The following RASAL2 variants were observed in gnomAD, a reference collection of about 807,000 sequenced individuals.
The protein encoded by RASAL2 is ras GTPase-activating protein nGAP.
RASAL2 carries 58 observed loss-of-function variants against 128.9 expected under a neutral mutation model. The observed-to-expected ratio is 0.45, with a 90% CI of 0.36 to 0.56. The LOEUF is 0.56. Ranked by LOEUF, RASAL2 falls within the 20% of genes least tolerant of loss-of-function variation. The probability of loss-of-function intolerance (pLI) is 0.00; values close to 1 mark genes in which losing one functional copy is unlikely to be tolerated. For missense variants in RASAL2, 1,360 were observed against 1,601.6 expected (o/e 0.85, Z 2.57); for synonymous variants, 561 against 580.8 (o/e 0.97, Z 0.49).
chr1:178,329,726 G>A (rs1334422531), intron 3 of RASAL2, among the ~76,000 whole-genome samples: 1 of 150,960 alleles, frequency 6.6e-6, no homozygotes, highest in Non-Finnish European at 1.5e-5. Flanking sequence ...GTAAATTAAG[G>A]ACCCAGACTG....
chr1:178,095,380 G>A (rs1264078865), intron 1 of RASAL2, among the ~76,000 whole-genome samples: 5 of 151,948 alleles, frequency 3.3e-5, no homozygotes, highest in African/African-American at 1.2e-4. Context: ...ATTCTATTAG[G>A]GTGAGCCTTG....
chr1:178,382,311 T>C (rs1672329476), intron 3 of RASAL2, among the ~76,000 whole-genome samples: 1 of 152,196 alleles, frequency 6.6e-6, no homozygotes, highest in African/African-American at 2.4e-5. Context: ...GCCTCACCTC[T>C]CTGTGTTTCT....
intron 9 of RASAL2, among the ~76,000 whole-genome samples, chr1:178,450,375 C>T (rs888819259): frequency 2.0e-5 from 3 of 152,034 alleles, no homozygotes; most frequent in Non-Finnish European, 2.9e-5. Flanking sequence ...ATGATGGATC[C>T]GGATTTGAGC....
At chr1:178,177,610 G>A (rs1661938688) in intron 1 of RASAL2, among the ~76,000 whole-genome samples, 1 of 152,196 alleles carries the variant, frequency 6.6e-6, no homozygotes, top group Admixed American at 6.5e-5. Context: ...TTTGAGTTGG[G>A]ATTAAAGTGG....
chr1:178,168,732 A>G (rs1423066094), intron 1 of RASAL2, among the ~76,000 whole-genome samples: 1 of 152,080 alleles, frequency 6.6e-6, no homozygotes, highest in East Asian at 1.9e-4. Context: ...GACTGTCTGC[A>G]CCATCACATG....
intron 17 of RASAL2, 68 bp downstream of exon 17, chr1:178,467,489 C>T (rs1647843916): frequency 1.4e-5 from 19 of 1,383,224 alleles, no homozygotes; most frequent in Non-Finnish European, 1.9e-5. Context: ...ACTTCACACC[C>T]TTGCAAATGC....
rs532358727 is a variant in RASAL2, at chr1:178,265,056, G to A, written c.203-18508G>A. ...TTTAGCAGTTCTGTGCTAGGAACCG[G>A]GGACAAAGACCAAATATGTATTTCT... On this transcript the variant is annotated intron_variant, in intron 1 of 17. Coordinates refer to ENST00000367649, the MANE Select transcript of RASAL2 (RefSeq NM_170692.4). 2.0e-5 allele frequency among the ~76,000 whole-genome samples: 3 copies of A among 152,242 alleles called. No homozygotes were observed. The East Asian group carries it at 5.8e-4, about 29-fold the overall frequency.
At chr1:178,152,614 G>A (rs1209301327) in intron 1 of RASAL2, among the ~76,000 whole-genome samples, 6 of 152,186 alleles carry the variant, frequency 3.9e-5, no homozygotes, top group East Asian at 3.9e-4. Flanking sequence ...GCAGTGAGCC[G>A]AGATTGGGCC....
chr1:178,456,661 A>C, intron 12 of RASAL2, 60 bp from the exon 13 acceptor site: 2 of 1,582,682 alleles, frequency 1.3e-6, no homozygotes, highest in Non-Finnish European at 8.7e-7. Flanking sequence ...TGCCAAAAAC[A>C]ATCTGTGGTG....
intron 1 of RASAL2, among the ~76,000 whole-genome samples, chr1:178,132,605 A>T (rs1293722134): frequency 1.3e-5 from 2 of 152,128 alleles, no homozygotes; most frequent in African/African-American, 4.8e-5. Context: ...ATTATGAATG[A>T]CACCTTTTTA....
chr1:178,364,276 T>C (rs1299073201), intron 3 of RASAL2, among the ~76,000 whole-genome samples: 1 of 152,084 alleles, frequency 6.6e-6, no homozygotes, highest in Non-Finnish European at 1.5e-5. Context: ...ACCCAAAATA[T>C]CTAAAAATGT....
At chr1:178,232,337 A>G (rs1357081479) in intron 1 of RASAL2, among the ~76,000 whole-genome samples, 5 of 152,174 alleles carry the variant, frequency 3.3e-5, no homozygotes, top group Non-Finnish European at 5.9e-5. Flanking sequence ...TGTAAGGAGC[A>G]CAAAGAGGAA....
intron 2 of RASAL2, among the ~76,000 whole-genome samples, chr1:178,292,053 A>G (rs1015304114): frequency 6.6e-6 from 1 of 151,564 alleles, no homozygotes; most frequent in Non-Finnish European, 1.5e-5. Flanking sequence ...AAAAAAAAAA[A>G]AAAAGAATTA....
At position 178,438,889 on chromosome 1, in the gene RASAL2, G is replaced by C. The variant is rs987107817; in HGVS notation, c.675-533G>C. 4.4e-4 allele frequency among the ~76,000 whole-genome samples: 57 copies of C among 129,040 alleles called. 1 individual carries two copies. Among genetic ancestry groups the C allele is most frequent in the African/African-American group, 1.9e-3 (53 of 28,318 alleles). The allele number at this position is 129,040 out of a possible 152,430, so 84.7% of individuals were successfully genotyped here. ...AAAGTTGAGCTTCGACTCTGTGTGT[G>C]TGTGTGTGTGTGTGTGTGTGTGTGT... On this transcript the variant is annotated intron_variant, in intron 5 of 17. Transcript: ENST00000367649.
At chr1:178,291,026 G>A (rs932674454) in intron 2 of RASAL2, among the ~76,000 whole-genome samples, 5 of 150,438 alleles carry the variant, frequency 3.3e-5, no homozygotes, top group Non-Finnish European at 5.9e-5. Flanking sequence ...CTGAGATATG[G>A]CCTAGGATGG....
chr1:178,467,878 A>G (rs986112850), intron 17 of RASAL2, among the ~76,000 whole-genome samples: 1 of 152,220 alleles, frequency 6.6e-6, no homozygotes, highest in African/African-American at 2.4e-5. Flanking sequence ...ACAAGGTTGT[A>G]AAAAGGTACC....
At position 178,094,490 on chromosome 1, in the gene RASAL2, A is replaced by G. The variant is rs777061376; in HGVS notation, c.-3A>G. ...CCTCGTCCCCCTCCCGCCTCGGGGC[A>G]CCATGGAGCTCTCTCCGTCGTCCGG... On this transcript the variant is annotated 5_prime_UTR_variant, in exon 1 of 18. Transcript: ENST00000367649. 115 of 1,548,752 alleles carry G rather than the reference A, an allele frequency of 7.4e-5. No homozygotes were observed. The East Asian group carries it at 2.8e-3, about 38-fold the overall frequency.
rs190237757 is a variant in RASAL2, at chr1:178,217,940, C to G, written c.203-65624C>G. Among the ~76,000 whole-genome samples the G allele has an allele frequency of 7.7e-4, 117 of 151,324 alleles. No individual in the cohort carries two copies. In the Middle Eastern group the frequency reaches 0.021, roughly 27 times the overall value. On this transcript the variant is annotated intron_variant, in intron 1 of 17. Transcript: ENST00000367649. ...CTTTCCAAACTGGAGTCAATCCCTT[C>G]AAATTCTTCCACTGCTATATCAACT...
At chr1:178,327,372 G>A (rs958953864) in intron 3 of RASAL2, among the ~76,000 whole-genome samples, 1 of 151,856 alleles carries the variant, frequency 6.6e-6, no homozygotes, top group African/African-American at 2.4e-5. Flanking sequence ...TCGAGAAAGG[G>A]TCTTACTCTG....
Sources: allele counts gnomAD v4.1 joint callset (sites outside exome capture counted in the v4.1 genomes callset), GRCh38; gene constraint gnomAD v4.1.1; transcripts MANE v1.5; gene names NCBI Gene and HGNC (gene_info 2026-07-23, HGNC 2026-07-21).